Variants in HEPACAM observed in about 807,000 individuals in gnomAD.
HEPACAM encodes hepatic and glial cell adhesion molecule, also known as hepatocyte cell adhesion molecule.
In HEPACAM, 18 loss-of-function variants were observed where a neutral mutation model predicts 38.3. That is an observed-to-expected ratio of 0.47 (90% CI 0.33 to 0.70). The LOEUF (loss-of-function observed/expected upper bound fraction) is 0.70. Ranked by LOEUF, HEPACAM falls within the 30% of genes least tolerant of loss-of-function variation. HEPACAM has a pLI of 0.03. For missense variants in HEPACAM, 466 were observed against 563.0 expected (o/e 0.83, Z 1.74); for synonymous variants, 216 against 243.1 (o/e 0.89, Z 1.04).
At chr11:124,925,258 G>A (rs4936958) in intron 1 of HEPACAM, among the ~76,000 whole-genome samples, 189 bp from the exon 2 acceptor site, 5 of 152,078 alleles carry the variant, frequency 3.3e-5, no homozygotes, top group Non-Finnish European at 7.4e-5. Flanking sequence ...CTGCCCCTTT[G>A]TTCTCTCTCA....
At position 124,920,113 on chromosome 11, in the gene HEPACAM, C is replaced by G. The variant is rs1016425440; in HGVS notation, c.*1025G>C. 2.4e-5 allele frequency: 33 copies of G among 1,378,990 alleles called. 1 individual carries two copies. Among genetic ancestry groups the G allele is most frequent in the Non-Finnish European group, 2.9e-5 (29 of 1,004,802 alleles). 85.4% of individuals were successfully genotyped at this position (1,378,990 alleles called of 1,614,324 possible). ...GGCCAGGGGTTGGATCATGTTCCCCCCAAATGCTGGGAAGCAATAAGCCTC... is the reference window on the plus strand; with the variant it reads ...GGCCAGGGGTTGGATCATGTTCCCCGCAAATGCTGGGAAGCAATAAGCCTC... On this transcript the variant is annotated 3_prime_UTR_variant, in exon 7 of 7. Coordinates refer to ENST00000298251, the MANE Select transcript of HEPACAM (RefSeq NM_152722.5).
rs1448245393 is a variant in HEPACAM, at chr11:124,921,703, G to T, written c.949-263C>A. On this transcript the variant is annotated intron_variant, in intron 6 of 6. Coordinates refer to ENST00000298251, the MANE Select transcript of HEPACAM (RefSeq NM_152722.5). The surrounding 1 kb of genome is among the most constrained non-coding windows in gnomAD (Gnocchi z 4.6). ...CCCCTTTACTCTCCTCTTTCCACCC[G>T]TCGTGGACAGCCTGGGACAGTTAGT... Among the ~76,000 whole-genome samples, 1 of 149,646 alleles carries T rather than the reference G, an allele frequency of 6.7e-6. No individual in the cohort carries two copies. Among genetic ancestry groups the T allele is most frequent in the African/African-American group, 2.4e-5 (1 of 41,262 alleles).
intron 1 of HEPACAM, among the ~76,000 whole-genome samples, chr11:124,933,430 C>G (rs1354714354): frequency 6.6e-6 from 1 of 152,122 alleles, no homozygotes; most frequent in Non-Finnish European, 1.5e-5. Flanking sequence ...CTAGGCCTCC[C>G]AAAGTTCTGA....
In HEPACAM at chr11:124,921,157, G is replaced by C. The variant is rs1221539655; in HGVS notation, c.1232C>G (p.Pro411Arg). 3 of 1,527,986 alleles carry C rather than the reference G, an allele frequency of 2.0e-6. No individual in the cohort carries two copies. Among genetic ancestry groups the C allele is most frequent in the South Asian group, 2.4e-5 (2 of 83,396 alleles). The allele number at this position is 1,527,986 out of a possible 1,614,324, so 94.7% of individuals were successfully genotyped here. A position where few individuals can be genotyped will look rare whatever the true frequency, so the allele number is the denominator to read the frequency against. ...GGCGGCTCAGGCGCTGATCTCCACC[G>C]GGCCGGCCTCGTCTTGCTCGCGGAT... ...HIIREQDEAG[P>R]VEISA Residue 411 changes from proline (P) to arginine (R), a missense_variant, in exon 7 of 7, where the codon CCG becomes CGG. Transcript: ENST00000298251. The surrounding 1 kb of genome is among the most constrained non-coding windows in gnomAD (Gnocchi z 4.6).
At chr11:124,932,346 A>G (rs1293681201) in intron 1 of HEPACAM, among the ~76,000 whole-genome samples, 1 of 152,214 alleles carries the variant, frequency 6.6e-6, no homozygotes, top group Non-Finnish European at 1.5e-5. Context: ...CTTGTATTCC[A>G]GAGAATACAA....
Position 124,924,619 on chromosome 11 carries a change from C to G in HEPACAM, c.427+109G>C. The stretch of plus-strand genomic sequence containing the variant: ...ATGTCCACTTGCCTCATTCTCAGCT[C>G]CCAAGTGCCTTTTGGGTTGGTTTTC... On this transcript the variant is annotated intron_variant, in intron 2 of 6. Transcript: ENST00000298251. This position sits in a 1 kb window ranked among gnomAD's most constrained non-coding sequence, Gnocchi z 4.4. The G allele has an allele frequency of 1.0e-6, 1 of 964,456 alleles. No individual in the cohort carries two copies. The highest frequency in any genetic ancestry group is 1.7e-6 in the Non-Finnish European group (1 of 591,730). 59.7% of individuals were successfully genotyped at this position (964,456 alleles called of 1,614,324 possible).
rs951095351 is a variant in HEPACAM at position 124,924,182 on chromosome 11, C to T, written c.428-172G>A. On this transcript the variant is annotated intron_variant, in intron 2 of 6. Transcript: ENST00000298251. The surrounding 1 kb of genome is among the most constrained non-coding windows in gnomAD (Gnocchi z 4.4). ...AGTTCTTTCCCATCGCTTATTCATT[C>T]GTTTCACTGACTATTTATGGAGCAC... Among the ~76,000 whole-genome samples, 4 of 152,178 alleles carry T rather than the reference C, an allele frequency of 2.6e-5. No homozygotes were observed. Among genetic ancestry groups the T allele is most frequent in the African/African-American group, 9.7e-5 (4 of 41,432 alleles).
rs146223570 is a variant in HEPACAM at position 124,934,116 on chromosome 11, C to T, written c.85+1806G>A. Among the ~76,000 whole-genome samples the T allele has an allele frequency of 1.4e-4, 21 of 152,294 alleles. No homozygotes were observed. The East Asian group carries it at 4.1e-3, about 29-fold the overall frequency. ...ATGTGACATCTTCACACGGAAGCCT[C>T]ATAAGTATTTCAATCTAAACATGTA... is the stretch of plus-strand genomic sequence containing the variant. On this transcript the variant is annotated intron_variant, in intron 1 of 6. Coordinates refer to ENST00000298251, the MANE Select transcript of HEPACAM (RefSeq NM_152722.5).
Position 124,919,805 on chromosome 11 carries a change from G to A in HEPACAM, c.*1333C>T, listed in dbSNP as rs572317793. ...ATGGGTTGATGGCGAATCAGAGCTGGAGTTTAGGAGACTAGGGATGCAAGG... is the reference window on the plus strand; with the variant it reads ...ATGGGTTGATGGCGAATCAGAGCTGAAGTTTAGGAGACTAGGGATGCAAGG... On this transcript the variant is annotated 3_prime_UTR_variant, in exon 7 of 7. Coordinates refer to ENST00000298251, the MANE Select transcript of HEPACAM (RefSeq NM_152722.5). 7.4e-6 allele frequency: 12 copies of A among 1,614,196 alleles called. No homozygotes were observed. The East Asian group carries it at 2.0e-4, about 27-fold the overall frequency.
At chr11:124,934,037 G>A (rs1036216465) in intron 1 of HEPACAM, among the ~76,000 whole-genome samples, 10 of 151,956 alleles carry the variant, frequency 6.6e-5, no homozygotes, top group African/African-American at 1.9e-4. Context: ...ATGGGCTAAC[G>A]GCTGCCAAAT....
intron 3 of HEPACAM, 115 bp downstream of exon 3, chr11:124,923,614 G>T: frequency 7.5e-7 from 1 of 1,334,720 alleles, no homozygotes; most frequent in Non-Finnish European, 1.1e-6. Flanking sequence ...TGGATAGTTG[G>T]CCCATCTCTG....
chr11:124,924,614 C>T lies in HEPACAM; in HGVS notation c.427+114G>A, dbSNP rs1591549354. The T allele has an allele frequency of 1.1e-6, 1 of 917,710 alleles. No individual in the cohort carries two copies. Among genetic ancestry groups the T allele is most frequent in the Middle Eastern group, 2.1e-4 (1 of 4,718 alleles). 56.8% of individuals were successfully genotyped at this position (917,710 alleles called of 1,614,324 possible). A position where few individuals can be genotyped will look rare whatever the true frequency, so the allele number is the denominator to read the frequency against. On this transcript the variant is annotated intron_variant, in intron 2 of 6. Transcript: ENST00000298251. This position sits in a 1 kb window ranked among gnomAD's most constrained non-coding sequence, Gnocchi z 4.4. Reference sequence around the variant, plus strand: ...TTCTAATGTCCACTTGCCTCATTCTCAGCTCCCAAGTGCCTTTTGGGTTGG... The same window carrying T: ...TTCTAATGTCCACTTGCCTCATTCTTAGCTCCCAAGTGCCTTTTGGGTTGG...
At chr11:124,926,313 T>G (rs1250456641) in intron 1 of HEPACAM, among the ~76,000 whole-genome samples, 1 of 152,302 alleles carries the variant, frequency 6.6e-6, no homozygotes. Context: ...GAACACAAAA[T>G]TGAGCAGAGT....
At position 124,920,985 on chromosome 11, in the gene HEPACAM, C is replaced by T; in HGVS notation, c.*153G>A. 1 of 1,372,688 alleles carries T rather than the reference C, an allele frequency of 7.3e-7. No homozygotes were observed. Among genetic ancestry groups the T allele is most frequent in the Non-Finnish European group, 9.4e-7 (1 of 1,066,790 alleles). The allele number at this position is 1,372,688 out of a possible 1,614,324, so 85.0% of individuals were successfully genotyped here. On this transcript the variant is annotated 3_prime_UTR_variant, in exon 7 of 7. Coordinates refer to ENST00000298251, the MANE Select transcript of HEPACAM (RefSeq NM_152722.5). ...GCCTCCGCGCACCCGCCTCCGTCTG[C>T]GCATGCTCATACACGTTCACACCCG...
At chr11:124,934,891 C>T (rs1273993600) in intron 1 of HEPACAM, among the ~76,000 whole-genome samples, 5 of 152,074 alleles carry the variant, frequency 3.3e-5, no homozygotes, top group African/African-American at 1.2e-4. Flanking sequence ...CCTCTCAATC[C>T]CCAGATTACG....
chr11:124,935,936 A>C lies in HEPACAM; in HGVS notation c.71T>G (p.Leu24Arg). 6.2e-7 allele frequency: 1 copy of C among 1,613,972 alleles called. No individual in the cohort carries two copies. Among genetic ancestry groups the C allele is most frequent in the Non-Finnish European group, 8.5e-7 (1 of 1,179,922 alleles). The change falls in exon 1 of 7, where the codon CTT (leucine) becomes CGT (arginine). Residue 24 changes from leucine to arginine, a missense_variant. Coordinates refer to ENST00000298251, the MANE Select transcript of HEPACAM (RefSeq NM_152722.5). ...TGGCCTCCTACCTGTCTGGATCAGA[A>C]GAAGGTAGACAAAAGGAGCAAGGCG... ...ALRLAPFVYL[L>R]LIQTDPLEGV...
In HEPACAM at chr11:124,923,797, A is replaced by G; in HGVS notation, c.641T>C (p.Leu214Pro). 6.2e-7 allele frequency: 1 copy of G among 1,614,222 alleles called. No individual in the cohort carries two copies. The highest frequency in any genetic ancestry group is 8.5e-7 in the Non-Finnish European group (1 of 1,180,040). The change falls in exon 3 of 7, where the codon CTG becomes CCG. Residue 214 changes from leucine to proline, a missense_variant. By Grantham distance (98) the Leu-to-Pro change is moderately conservative (BLOSUM62 -3). Coordinates refer to ENST00000298251, the MANE Select transcript of HEPACAM (RefSeq NM_152722.5). ...ITRVLMEDDD[L>P]YSCMVENPIS... ...GGGGTTCTCCACCATGCAGCTGTAC[A>G]GGTCGTCATCCTCCATGAGCACGCG...
At chr11:124,923,482 G>T in intron 3 of HEPACAM, 49 bp from the exon 4 acceptor site, 1 of 1,354,260 alleles carries the variant, frequency 7.4e-7, no homozygotes, top group Non-Finnish European at 1.1e-6. Context: ...AAAGGGGCAA[G>T]ATGTGGTGAG....
Position 124,921,106 on chromosome 11 carries a change from C to T in HEPACAM, c.*32G>A, listed in dbSNP as rs1434379234. 2 of 1,519,288 alleles carry T rather than the reference C, an allele frequency of 1.3e-6. No individual in the cohort carries two copies. Among genetic ancestry groups the T allele is most frequent in the South Asian group, 1.2e-5 (1 of 82,776 alleles). 94.1% of individuals were successfully genotyped at this position (1,519,288 alleles called of 1,614,324 possible). On this transcript the variant is annotated 3_prime_UTR_variant, in exon 7 of 7. Transcript: ENST00000298251. This position sits in a 1 kb window ranked among gnomAD's most constrained non-coding sequence, Gnocchi z 4.6. ...TTCCCCCGGGCCACTGGCCGCAGACCGCGGGCGCCTCTCAGGGGATCCCGA... is the reference window on the plus strand; with the variant it reads ...TTCCCCCGGGCCACTGGCCGCAGACTGCGGGCGCCTCTCAGGGGATCCCGA...
Sources: allele counts gnomAD v4.1 joint callset (sites outside exome capture counted in the v4.1 genomes callset), GRCh38; gene constraint gnomAD v4.1.1; non-coding constraint Gnocchi (gnomAD v3.1); transcripts MANE v1.5; gene names NCBI Gene and HGNC (gene_info 2026-07-23, HGNC 2026-07-21).